The following ZFHX3 variants were observed in gnomAD, a reference collection of about 807,000 sequenced individuals.
ZFHX3 encodes zinc finger homeobox 3.
ZFHX3 carries 42 observed loss-of-function variants against 279.1 expected under a neutral mutation model. That is an observed-to-expected ratio of 0.15 (90% CI 0.12 to 0.19). ZFHX3 has a LOEUF of 0.19. ZFHX3 is among the 10% of genes least tolerant of loss of function. The pLI is 1.00. For synonymous variants in ZFHX3, 2,293 were observed against 1,957.8 expected (o/e 1.17, Z -4.52); for missense variants, 4,981 against 4,754.0 (o/e 1.05, Z -1.40).
At chr16:73,663,857 T>G (rs895595639) in intron 2 of ZFHX3, among the ~76,000 whole-genome samples, 1 of 152,150 alleles carries the variant, frequency 6.6e-6, no homozygotes, top group Non-Finnish European at 1.5e-5. Context: ...TTCTTTCTCA[T>G]TGGAGCAATT....
intron 1 of ZFHX3, among the ~76,000 whole-genome samples, chr16:73,838,663 C>T (rs1020822726): frequency 2.6e-5 from 4 of 152,258 alleles, no homozygotes; most frequent in Admixed American, 2.6e-4. Context: ...TGTTTCTATA[C>T]ATCAAGCTGT....
intron 2 of ZFHX3, among the ~76,000 whole-genome samples, chr16:73,669,197 G>A (rs1159668535): frequency 3.9e-5 from 6 of 152,070 alleles, no homozygotes; most frequent in African/African-American, 1.4e-4. Flanking sequence ...GGGATTACAG[G>A]CATGTGCCAC....
intron 5 of ZFHX3, chr16:73,233,049 G>T (rs2012826144): frequency 7.4e-6 from 1 of 134,350 alleles, no homozygotes; most frequent in Non-Finnish European, 1.5e-5. Context: ...CAATGTTTAA[G>T]AAAGGGATTA....
chr16:73,274,877 G>A (rs898069418), intron 4 of ZFHX3, among the ~76,000 whole-genome samples: 5 of 152,168 alleles, frequency 3.3e-5, no homozygotes, highest in African/African-American at 1.2e-4. Context: ...TATTCTATAT[G>A]ACATCTGGTG....
chr16:72,946,843 G>A (rs1960704237), intron 3 of ZFHX3, among the ~76,000 whole-genome samples: 1 of 152,202 alleles, frequency 6.6e-6, no homozygotes, highest in Non-Finnish European at 1.5e-5. Context: ...TGAGAAAGGA[G>A]TGATACATTT....
intron 1 of ZFHX3, among the ~76,000 whole-genome samples, chr16:73,819,643 T>C (rs1316160164): frequency 1.3e-5 from 2 of 152,048 alleles, no homozygotes; most frequent in African/African-American, 2.4e-5. Context: ...CTAAAAATTA[T>C]TGTGTATAAG....
intron 4 of ZFHX3, among the ~76,000 whole-genome samples, chr16:73,290,416 A>C (rs1217103186): frequency 6.6e-6 from 1 of 152,166 alleles, no homozygotes; most frequent in Non-Finnish European, 1.5e-5. Flanking sequence ...TTCTAGGAAG[A>C]GGGAAGAGCC....
intron 2 of ZFHX3, among the ~76,000 whole-genome samples, chr16:73,556,862 G>A (rs752888073): frequency 9.2e-5 from 14 of 151,952 alleles, no homozygotes; most frequent in African/African-American, 1.5e-4. Flanking sequence ...TTGGGAGGCC[G>A]AGACAGGCAG....
chr16:73,298,436 A>G lies in ZFHX3; in HGVS notation c.-1194+19804T>C, dbSNP rs556740227. ...CGACCTCAGGTGCTCCGCCTACCTC[A>G]GCCTCCCAAAGTACTGGGATTACAG... On this transcript the variant is annotated intron_variant, in intron 4 of 17. Coordinates refer to the ZFHX3 transcript ENST00000641206. Among the ~76,000 whole-genome samples, 5 of 151,482 alleles carry G rather than the reference A, an allele frequency of 3.3e-5. No individual in the cohort carries two copies. The South Asian group carries it at 1.0e-3, about 32-fold the overall frequency.
chr16:73,715,526 C>T (rs1360455870), intron 1 of ZFHX3, among the ~76,000 whole-genome samples: 5 of 137,048 alleles, frequency 3.6e-5, no homozygotes, highest in African/African-American at 1.4e-4. Context: ...GAGGCCGAAA[C>T]TTATGATCAT....
chr16:73,395,322 G>A (rs1371815209), intron 3 of ZFHX3, among the ~76,000 whole-genome samples: 1 of 152,104 alleles, frequency 6.6e-6, no homozygotes, highest in East Asian at 1.9e-4. Flanking sequence ...AAATTAGCCA[G>A]GTGTGGAGGC....
intron 1 of ZFHX3, among the ~76,000 whole-genome samples, chr16:73,739,679 G>C (rs1362852826): frequency 6.6e-6 from 1 of 152,122 alleles, no homozygotes; most frequent in Admixed American, 6.5e-5. Flanking sequence ...CTCCCAAAAG[G>C]GTGGGAGAAA....
chr16:73,887,266 A>G (rs1484289833), intron 1 of ZFHX3, among the ~76,000 whole-genome samples: 3 of 152,226 alleles, frequency 2.0e-5, no homozygotes, highest in African/African-American at 7.2e-5. Flanking sequence ...GCCTCGAGAT[A>G]AAACAAACGA....
At chr16:73,818,482 C>G in intron 1 of ZFHX3, among the ~76,000 whole-genome samples, 1 of 152,176 alleles carries the variant, frequency 6.6e-6, no homozygotes, top group East Asian at 1.9e-4. Flanking sequence ...CATCATTATA[C>G]ATGATATCAA....
chr16:73,613,890 A>G (rs1358255671), intron 2 of ZFHX3, among the ~76,000 whole-genome samples: 4 of 152,160 alleles, frequency 2.6e-5, no homozygotes, highest in African/African-American at 9.7e-5. Context: ...AGCGCTACCA[A>G]TGTCCTACTA....
chr16:73,123,437 T>C (rs28484577), intron 7 of ZFHX3: 13,996 of 146,782 alleles, frequency 0.095, 689 homozygotes, highest in Middle Eastern at 0.13. Flanking sequence ...TGGAGACACA[T>C]AGCCTGGTCA....
At chr16:72,898,679 T>C (rs2038957370) in intron 3 of ZFHX3, among the ~76,000 whole-genome samples, 2 of 148,560 alleles carry the variant, frequency 1.3e-5, no homozygotes, top group African/African-American at 5.0e-5. Context: ...CCACTGTTTA[T>C]ACATGGGGAG....
rs531901271 is a variant in ZFHX3 at position 73,220,012 on chromosome 16, G to T, written c.-1104+37035C>A. Among the ~76,000 whole-genome samples the T allele has an allele frequency of 9.8e-4, 149 of 152,238 alleles. 1 individual carries two copies. Among genetic ancestry groups the T allele is most frequent in the Non-Finnish European group, 1.7e-3 (114 of 68,018 alleles). ...GAGTCAGGAGAATTGCTTGAACCTGGGAGGTGGAGGTTGCAGTAAGCTGAG... is the reference window on the plus strand; with the variant it reads ...GAGTCAGGAGAATTGCTTGAACCTGTGAGGTGGAGGTTGCAGTAAGCTGAG... On this transcript the variant is annotated intron_variant, in intron 5 of 17. Transcript: ENST00000641206.
chr16:73,833,539 G>A (rs1432790095), intron 1 of ZFHX3, among the ~76,000 whole-genome samples: 1 of 151,912 alleles, frequency 6.6e-6, no homozygotes, highest in African/African-American at 2.4e-5. Context: ...TCACTCATAA[G>A]TGGGAGTTGA....
Sources: allele counts gnomAD v4.1 joint callset (sites outside exome capture counted in the v4.1 genomes callset), GRCh38; gene constraint gnomAD v4.1.1; transcripts MANE v1.5; gene names NCBI Gene and HGNC (gene_info 2026-07-23, HGNC 2026-07-21).